Variants in ATP9B observed in about 807,000 individuals in gnomAD.
The protein encoded by ATP9B is ATPase phospholipid transporting 9B, also known as probable phospholipid-transporting ATPase IIB.
In ATP9B, 110 loss-of-function variants were observed where a neutral mutation model predicts 146.1. The observed-to-expected ratio is 0.75, with a 90% CI of 0.65 to 0.88. The LOEUF is 0.88. ATP9B is among the 40% of genes least tolerant of loss of function. The pLI is 0.00. For missense variants in ATP9B, 1,499 were observed against 1,496.4 expected, an observed-to-expected ratio of 1.00 and a Z score of -0.03; for synonymous variants, 604 against 569.7, an observed-to-expected ratio of 1.06 and a Z score of -0.86.
chr18:79,144,921 T>C, intron 6 of ATP9B: 1 of 174,984 alleles, frequency 5.7e-6, no homozygotes, highest in South Asian at 1.1e-4. Context: ...AAAGAAGAAG[T>C]TTAGATCAGT....
chr18:79,177,356 C>T (rs2095188275), intron 8 of ATP9B, among the ~76,000 whole-genome samples: 1 of 152,264 alleles, frequency 6.6e-6, no homozygotes, highest in South Asian at 2.1e-4. Flanking sequence ...TCTCCACAGT[C>T]TCCTGAGTAG....
At chr18:79,267,737 A>G (rs998040015) in intron 12 of ATP9B, among the ~76,000 whole-genome samples, 5 of 152,096 alleles carry the variant, frequency 3.3e-5, no homozygotes, top group African/African-American at 1.2e-4. Context: ...CTTCAGATCT[A>G]TGAAATGTGT....
At position 79,236,349 on chromosome 18, in the gene ATP9B, T is replaced by C. The variant is rs539378975; in HGVS notation, c.1108-17032T>C. Among the ~76,000 whole-genome samples, 53 of 152,344 alleles carry C rather than the reference T, an allele frequency of 3.5e-4. No homozygotes were observed. In the South Asian group the frequency reaches 9.9e-3, roughly 29 times the overall value. On this transcript the variant is annotated intron_variant, in intron 11 of 29. Transcript: ENST00000426216. ...TTTCCCATTGGATTGTTAGTCTTTC[T>C]GGCTGTTGTATAGGAGCTCTTTGTA...
At chr18:79,294,957 A>G (rs2096536723) in intron 13 of ATP9B, among the ~76,000 whole-genome samples, 3 of 152,234 alleles carry the variant, frequency 2.0e-5, no homozygotes, top group Non-Finnish European at 4.4e-5. Flanking sequence ...AGAAGGGGTG[A>G]AAAGAACATA....
chr18:79,234,745 C>T lies in ATP9B; in HGVS notation c.1108-18636C>T, dbSNP rs115966545. 6.4e-3 allele frequency among the ~76,000 whole-genome samples: 975 copies of T among 152,098 alleles called. 4 individuals carry two copies. The highest frequency in any genetic ancestry group is 0.022 in the African/African-American group (911 of 41,424). ...TTGCTGCTGTGGCTGCGGTTTCGAC[C>T]ATGGGTTTGTGTGGCTTAGGGAGAT... is the stretch of plus-strand genomic sequence containing the variant. On this transcript the variant is annotated intron_variant, in intron 11 of 29. Coordinates refer to ENST00000426216, the MANE Select transcript of ATP9B (RefSeq NM_198531.5).
chr18:79,253,489 T>C lies in ATP9B; in HGVS notation c.1216T>C (p.Tyr406His), dbSNP rs2145090592. The change falls in exon 12 of 30, where the codon TAC (tyrosine) becomes CAC (histidine). Residue 406 changes from tyrosine (Y) to histidine (H), a missense_variant. By Grantham distance (83) the Tyr-to-His change is moderately conservative. Transcript: ENST00000426216. ...CTTACAAGGATTTGTGGGTCCATGGTACCGCAATCTTTTTCGGTTCCTTCT... is the reference window on the plus strand; with the variant it reads ...CTTACAAGGATTTGTGGGTCCATGGCACCGCAATCTTTTTCGGTTCCTTCT... ...VTLQGFVGPW[Y>H]RNLFRFLLLF... is the part of the protein sequence containing the mutation. 1 of 1,610,586 alleles carries C rather than the reference T, an allele frequency of 6.2e-7. No individual in the cohort carries two copies. The highest frequency in any genetic ancestry group is 8.5e-7 in the Non-Finnish European group (1 of 1,179,052).
At chr18:79,106,389 A>G (rs1599589450) in intron 2 of ATP9B, among the ~76,000 whole-genome samples, 1 of 152,160 alleles carries the variant, frequency 6.6e-6, no homozygotes, top group East Asian at 1.9e-4. Flanking sequence ...GTGAGGCTTA[A>G]ACATACTGTT....
At chr18:79,256,866 A>G (rs888602145) in intron 12 of ATP9B, among the ~76,000 whole-genome samples, 2 of 152,338 alleles carry the variant, frequency 1.3e-5, no homozygotes, top group East Asian at 1.9e-4. Context: ...ATCATCCTAC[A>G]TATTCTTGAT....
intron 8 of ATP9B, among the ~76,000 whole-genome samples, chr18:79,190,575 G>T: frequency 6.8e-6 from 1 of 148,100 alleles, no homozygotes; most frequent in Non-Finnish European, 1.5e-5. Flanking sequence ...ACAGAGTTTT[G>T]CTCTGTCACC....
intron 11 of ATP9B, among the ~76,000 whole-genome samples, chr18:79,241,276 A>T (rs2095885763): frequency 6.6e-6 from 1 of 152,020 alleles, no homozygotes; most frequent in South Asian, 2.1e-4. Context: ...CCGTGTGAGA[A>T]TTCCGCAGCC....
intron 1 of ATP9B, among the ~76,000 whole-genome samples, chr18:79,071,398 C>CTTTTTTTTTTTTTTTTTTTTT (rs747150962): frequency 2.4e-3 from 54 of 22,348 alleles, no homozygotes; most frequent in East Asian, 4.0e-3. Context: ...TATTGTTCTT[C>CTTTTTTTTTTTTTTTTTTTTT]CTTTTTTTTT....
At chr18:79,119,373 G>C (rs931803730) in intron 4 of ATP9B, among the ~76,000 whole-genome samples, 2 of 152,120 alleles carry the variant, frequency 1.3e-5, no homozygotes, top group Non-Finnish European at 2.9e-5. Flanking sequence ...ACGTTTCTCT[G>C]TTTTTTCTTT....
intron 7 of ATP9B, among the ~76,000 whole-genome samples, chr18:79,172,595 G>A (rs1019397227): frequency 5.3e-5 from 8 of 149,982 alleles, no homozygotes; most frequent in Non-Finnish European, 7.4e-5. Context: ...CTTGCGATCC[G>A]CCTTGGCCTC....
intron 12 of ATP9B, among the ~76,000 whole-genome samples, chr18:79,267,995 T>C (rs897243286): frequency 6.6e-6 from 1 of 152,128 alleles, no homozygotes; most frequent in Non-Finnish European, 1.5e-5. Flanking sequence ...ATTCTGTTTA[T>C]TTTTAGTATT....
rs1299833531 is a variant in ATP9B, at chr18:79,310,032, T to A, written c.1773+2798T>A. Among the ~76,000 whole-genome samples, 4 of 152,296 alleles carry A rather than the reference T, an allele frequency of 2.6e-5. No homozygotes were observed. The East Asian group carries it at 7.7e-4, about 29-fold the overall frequency. On this transcript the variant is annotated intron_variant, in intron 15 of 29. Coordinates refer to ENST00000426216, the MANE Select transcript of ATP9B (RefSeq NM_198531.5). ...TCTAATTCCACAGACAGTGGAAATA[T>A]GAGCCTAAAACCCCACTGTTGCTGA...
At chr18:79,273,076 G>T (rs1479266828) in intron 12 of ATP9B, among the ~76,000 whole-genome samples, 1 of 152,186 alleles carries the variant, frequency 6.6e-6, no homozygotes, top group Non-Finnish European at 1.5e-5. Context: ...CGTGCCAGTC[G>T]TTATGATGGA....
rs185631368 is a variant in ATP9B at position 79,193,262 on chromosome 18, G to A, written c.953G>A (p.Arg318Lys). 43 of 1,602,446 alleles carry A rather than the reference G, an allele frequency of 2.7e-5. No homozygotes were observed. Among genetic ancestry groups the A allele is most frequent in the Non-Finnish European group, 1.6e-5 (19 of 1,169,532 alleles). The change falls in exon 9 of 30, where the codon AGG becomes AAG. Residue 318 changes from arginine (R) to lysine (K), a missense_variant and splice_region_variant. Physicochemically the swap from Arg to Lys is conservative, Grantham distance 26 (BLOSUM62 2). Coordinates refer to ENST00000426216, the MANE Select transcript of ATP9B (RefSeq NM_198531.5). Reference protein sequence around the residue: ...DIHSFEGTFTREDSDPPIHES... With the variant: ...DIHSFEGTFTKEDSDPPIHES... ...CACAGTTTCGAAGGCACATTTACCA[G>A]GGTAAGTTAAACCTGTTGTTCAATA...
intron 7 of ATP9B, among the ~76,000 whole-genome samples, chr18:79,158,886 C>T (rs1198534228): frequency 6.6e-6 from 1 of 152,056 alleles, no homozygotes; most frequent in African/African-American, 2.4e-5. Context: ...TTTTGTTCAT[C>T]TTCTATCTAG....
chr18:79,161,565 AG>A (rs1217056802), intron 7 of ATP9B, among the ~76,000 whole-genome samples: 1 of 152,152 alleles, frequency 6.6e-6, no homozygotes, highest in East Asian at 1.9e-4. Flanking sequence ...TTAAGAAGTC[AG>A]GGCTGGGCAC....
Sources: gnomAD v4.1 joint callset for allele counts (sites outside exome capture counted in the v4.1 genomes callset) on GRCh38, gnomAD v4.1.1 for gene constraint, MANE v1.5 for transcripts, NCBI Gene and HGNC (gene_info 2026-07-23, HGNC 2026-07-21) for gene names.